The following ELAPOR2 variants were observed in gnomAD, a reference collection of about 807,000 sequenced individuals.
ELAPOR2 encodes the protein endosome-lysosome associated apoptosis and autophagy regulator family member 2.
A neutral mutation model predicts 120.7 loss-of-function variants in ELAPOR2; 89 were observed. That is an observed-to-expected ratio of 0.74 (90% CI 0.62 to 0.88). ELAPOR2 has a LOEUF of 0.88. ELAPOR2 is among the 40% of genes least tolerant of loss of function. The pLI, the probability that ELAPOR2 is intolerant of heterozygous loss-of-function variation, is 0.00. For synonymous variants in ELAPOR2, 444 were observed against 444.9 expected (o/e 1.00, Z 0.03); for missense variants, 1,134 against 1,251.6 (o/e 0.91, Z 1.42).
At chr7:86,965,709 G>A (rs1791879105) in intron 1 of ELAPOR2, 1 of 509,402 alleles carries the variant, frequency 2.0e-6, no homozygotes, top group Admixed American at 6.4e-5. Flanking sequence ...TTACACATAA[G>A]TGATATTTAA....
chr7:86,894,464 T>C (rs566796407), intron 19 of ELAPOR2, among the ~76,000 whole-genome samples: 35 of 152,176 alleles, frequency 2.3e-4, no homozygotes, highest in African/African-American at 8.4e-4. Context: ...ATCTTTGATA[T>C]GGTTTTATCA....
chr7:87,040,395 T>C (rs200099758), intron 1 of ELAPOR2, among the ~76,000 whole-genome samples: 12,159 of 152,286 alleles, frequency 0.08, 551 homozygotes, highest in East Asian at 0.12. Context: ...AAGAGAGCAG[T>C]GGTTCTCCCA....
chr7:87,053,960 G>A (rs1253693910), intron 1 of ELAPOR2, among the ~76,000 whole-genome samples: 1 of 148,606 alleles, frequency 6.7e-6, no homozygotes, highest in Admixed American at 6.6e-5. Flanking sequence ...AAATGTAATT[G>A]CATGATGTGT....
rs143810864 is a variant in ELAPOR2, at chr7:86,913,016, G to A, written c.1920C>T (p.Asp640=). 18 of 1,614,068 alleles carry A rather than the reference G, an allele frequency of 1.1e-5. No homozygotes were observed. In the East Asian group the frequency reaches 1.6e-4, roughly 14 times the overall value. The part of the protein sequence containing the change: ...ETNQCKECPP[D]TYLSIHQVYG... Reference sequence around the variant, plus strand: ...AGACCTGATGTATGGACAGGTAGGTGTCAGGTGGACATTCCTTGCACTGGT... The same window carrying A: ...AGACCTGATGTATGGACAGGTAGGTATCAGGTGGACATTCCTTGCACTGGT... Residue 640 remains aspartate, a synonymous_variant, in exon 14 of 22, where the codon GAC becomes GAT. Coordinates refer to ENST00000450689, the MANE Select transcript of ELAPOR2 (RefSeq NM_001142749.3).
chr7:86,895,524 T>C (rs1422150443), intron 19 of ELAPOR2, among the ~76,000 whole-genome samples: 1 of 152,076 alleles, frequency 6.6e-6, no homozygotes, highest in Non-Finnish European at 1.5e-5. Flanking sequence ...ATGTTATAAA[T>C]TTCAACATGT....
chr7:87,033,005 T>C (rs192391488), intron 1 of ELAPOR2, among the ~76,000 whole-genome samples: 8 of 152,288 alleles, frequency 5.3e-5, no homozygotes, highest in Non-Finnish European at 1.0e-4. Context: ...GTGAAAATGA[T>C]TGGCTACTGG....
intron 21 of ELAPOR2, among the ~76,000 whole-genome samples, chr7:86,889,042 C>A (rs895003699): frequency 2.0e-5 from 3 of 152,202 alleles, no homozygotes; most frequent in South Asian, 2.1e-4. Context: ...TAGGAAAATA[C>A]CCCTACTGTT....
intron 1 of ELAPOR2, among the ~76,000 whole-genome samples, chr7:87,011,249 C>CAAAA (rs772971682): frequency 1.7e-4 from 9 of 52,916 alleles, no homozygotes; most frequent in South Asian, 8.1e-4. Context: ...GACTCCATCT[C>CAAAA]AAAAAAAAAA....
In ELAPOR2 at chr7:86,912,161, T is replaced by C; in HGVS notation, c.2080A>G (p.Ser694Gly). Reference sequence around the variant, plus strand: ...GGGCCATTCATTAATGAGCCCACACTGCTGAGGTTGCTAAAGTCATAGTGC... The same window carrying C: ...GGGCCATTCATTAATGAGCCCACACCGCTGAGGTTGCTAAAGTCATAGTGC... ...SLHYDFSNLS[S>G]VGSLMNGPSF... Residue 694 changes from serine to glycine, a missense_variant, in exon 15 of 22, where the codon AGT becomes GGT. Ser to Gly is a moderately conservative substitution (Grantham distance 56). Around this residue, in one of 3 missense-constraint regions of ELAPOR2, gnomAD observed 831 missense variants for 867.6 expected, o/e 0.96. Transcript: ENST00000450689. 1 of 1,612,920 alleles carries C rather than the reference T, an allele frequency of 6.2e-7. No homozygotes were observed. Among genetic ancestry groups the C allele is most frequent in the Non-Finnish European group, 8.5e-7 (1 of 1,179,006 alleles).
chr7:86,923,141 T>C (rs1789901254), intron 10 of ELAPOR2, among the ~76,000 whole-genome samples: 1 of 151,914 alleles, frequency 6.6e-6, no homozygotes, highest in Non-Finnish European at 1.5e-5. Context: ...CATCATTCTA[T>C]GAAAAATATT....
At chr7:86,982,388 A>AC (rs976694352) in intron 1 of ELAPOR2, among the ~76,000 whole-genome samples, 1 of 152,222 alleles carries the variant, frequency 6.6e-6, no homozygotes, top group African/African-American at 2.4e-5. Flanking sequence ...GTGTAGCCTT[A>AC]CTGGGAGATA....
intron 1 of ELAPOR2, among the ~76,000 whole-genome samples, chr7:87,007,128 C>T (rs1026196994): frequency 6.6e-6 from 1 of 152,166 alleles, no homozygotes; most frequent in African/African-American, 2.4e-5. Flanking sequence ...TGTCTTGACA[C>T]AGATATGTGC....
intron 1 of ELAPOR2, among the ~76,000 whole-genome samples, chr7:87,025,873 T>C (rs1384510363): frequency 6.6e-6 from 1 of 152,032 alleles, no homozygotes; most frequent in African/African-American, 2.4e-5. Context: ...AAAAAAATTG[T>C]CAATTAGAAA....
intron 18 of ELAPOR2, among the ~76,000 whole-genome samples, chr7:86,907,098 T>C (rs1188094214): frequency 6.6e-6 from 1 of 152,138 alleles, no homozygotes; most frequent in South Asian, 2.1e-4. Flanking sequence ...TAGAGGGCTA[T>C]TGCCTTAATG....
intron 1 of ELAPOR2, among the ~76,000 whole-genome samples, chr7:87,042,563 G>A (rs1349572108): frequency 2.0e-5 from 3 of 151,946 alleles, no homozygotes; most frequent in East Asian, 1.9e-4. Flanking sequence ...TGAAACCAAC[G>A]AGAACAAAGA....
intron 1 of ELAPOR2, among the ~76,000 whole-genome samples, chr7:87,002,840 A>G (rs928500276): frequency 9.2e-5 from 14 of 152,112 alleles, no homozygotes; most frequent in African/African-American, 3.1e-4. Context: ...AGAGCATGGG[A>G]CACTTCTGTG....
At chr7:87,032,836 G>A (rs971126261) in intron 1 of ELAPOR2, among the ~76,000 whole-genome samples, 20 of 152,164 alleles carry the variant, frequency 1.3e-4, no homozygotes, top group African/African-American at 4.6e-4. Flanking sequence ...ATCAAGACAG[G>A]AGGACCAGTG....
intron 1 of ELAPOR2, among the ~76,000 whole-genome samples, chr7:87,017,171 C>A (rs190578809): frequency 6.6e-6 from 1 of 152,334 alleles, no homozygotes; most frequent in Admixed American, 6.5e-5. Flanking sequence ...AATCTCATTT[C>A]TCTCTCCAAA....
chr7:86,974,782 A>G (rs1264092554), intron 1 of ELAPOR2, among the ~76,000 whole-genome samples: 1 of 152,100 alleles, frequency 6.6e-6, no homozygotes, highest in Non-Finnish European at 1.5e-5. Flanking sequence ...TTGCCAAGAC[A>G]TAAAAAAAAA....
Sources: allele counts gnomAD v4.1 joint callset (sites outside exome capture counted in the v4.1 genomes callset), GRCh38; gene constraint gnomAD v4.1.1; regional missense constraint gnomAD v4.1.1; transcripts MANE v1.5; gene names NCBI Gene and HGNC (gene_info 2026-07-23, HGNC 2026-07-21).